The following RGS22 variants were observed in gnomAD, a reference collection of about 807,000 sequenced individuals.
The protein encoded by RGS22 is regulator of G protein signaling 22.
RGS22 carries 148 observed loss-of-function variants against 172.9 expected under a neutral mutation model. The observed-to-expected ratio is 0.86, with a 90% CI of 0.75 to 0.98. The LOEUF (loss-of-function observed/expected upper bound fraction) is 0.98. Among genes scored for constraint, RGS22 ranks in the 50% least tolerant of loss-of-function variants. RGS22 has a pLI of 0.00. For synonymous variants in RGS22, 458 were observed against 480.2 expected (o/e 0.95, Z 0.60); for missense variants, 1,347 against 1,440.8 (o/e 0.93, Z 1.05).
intron 14 of RGS22, among the ~76,000 whole-genome samples, chr8:100,026,424 G>C (rs1818182200): frequency 1.3e-5 from 2 of 152,210 alleles, no homozygotes; most frequent in African/African-American, 4.8e-5. Context: ...TACTGACTCA[G>C]CTTTTGCGTT....
At chr8:100,055,521 CA>C (rs1226803933) in intron 9 of RGS22, among the ~76,000 whole-genome samples, 1 of 152,106 alleles carries the variant, frequency 6.6e-6, no homozygotes, top group African/African-American at 2.4e-5. Context: ...AGGATGGGTA[CA>C]AAAAAGCCCA....
intron 9 of RGS22, among the ~76,000 whole-genome samples, chr8:100,060,530 C>T (rs1810048985): frequency 6.6e-6 from 1 of 150,838 alleles, no homozygotes; most frequent in South Asian, 2.1e-4. Flanking sequence ...GAACATACCC[C>T]TATTCACAAC....
At chr8:99,984,835 A>G (rs2131227398) in intron 21 of RGS22, among the ~76,000 whole-genome samples, 1 of 151,408 alleles carries the variant, frequency 6.6e-6, no homozygotes. Context: ...TTTAGATTAA[A>G]CCATACTGAT....
chr8:100,048,568 C>A (rs1011364802), intron 10 of RGS22, among the ~76,000 whole-genome samples: 1 of 151,774 alleles, frequency 6.6e-6, no homozygotes, highest in Non-Finnish European at 1.5e-5. Flanking sequence ...ACAATAAAAC[C>A]TTATATATAC....
At chr8:100,004,186 C>A in intron 16 of RGS22, 88 bp from the exon 17 acceptor site, 2 of 1,415,202 alleles carry the variant, frequency 1.4e-6, no homozygotes, top group South Asian at 1.8e-5. Context: ...GAAAAATCAA[C>A]CATTAGGCCA....
Position 100,039,962 on chromosome 8 carries a change from C to T in RGS22, c.2064G>A (p.Lys688=). 1.3e-6 allele frequency: 2 copies of T among 1,511,752 alleles called. No homozygotes were observed. The highest frequency in any genetic ancestry group is 1.8e-6 in the Non-Finnish European group (2 of 1,127,392). 93.6% of individuals were successfully genotyped at this position (1,511,752 alleles called of 1,614,324 possible). A position where few individuals can be genotyped will look rare whatever the true frequency, so the allele number is the denominator to read the frequency against. Residue 688 remains lysine (K), a splice_region_variant and synonymous_variant, in exon 13 of 28, where the codon AAG becomes AAA. Transcript: ENST00000360863. ...TAAATTTTAAATAATTCTTTTCTAC[C>T]TTGTTCCCTGAATGCTCGCAGAATT... is the stretch of plus-strand genomic sequence containing the variant. ...FTKFCEHSGN[K]LWKNSVYFWF...
chr8:100,082,249 G>A (rs1247082387), intron 3 of RGS22, among the ~76,000 whole-genome samples: 2 of 151,958 alleles, frequency 1.3e-5, no homozygotes, highest in Non-Finnish European at 2.9e-5. Flanking sequence ...TAGGTTTAAG[G>A]GGTACATGTG....
Position 99,987,469 on chromosome 8 carries a change from G to A in RGS22, c.3169C>T (p.Gln1057Ter). 1 of 1,601,058 alleles carries A rather than the reference G, an allele frequency of 6.2e-7. No homozygotes were observed. Among genetic ancestry groups the A allele is most frequent in the Non-Finnish European group, 8.5e-7 (1 of 1,173,088 alleles). Residue 1057 changes from glutamine (Q) to a stop codon, truncating the protein, a stop_gained, in exon 21 of 28, where the codon CAA becomes TAA. Coordinates refer to ENST00000360863, the MANE Select transcript of RGS22 (RefSeq NM_015668.5). LOFTEE classifies it high-confidence loss of function. Reference sequence around the variant, plus strand: ...TCCCAATACAATACCTTATATTTTTGTACTTCTTGCCAAAAGAGTAAACCA... The same window carrying A: ...TCCCAATACAATACCTTATATTTTTATACTTCTTGCCAAAAGAGTAAACCA... ...ENGLLFWQEV[Q>*]KYKDLCHSHC...
At chr8:100,041,499 A>G (rs1038440367) in intron 12 of RGS22, among the ~76,000 whole-genome samples, 2 of 151,868 alleles carry the variant, frequency 1.3e-5, no homozygotes, top group Non-Finnish European at 2.9e-5. Context: ...CAAAAAAAAA[A>G]AAAAATTCTA....
chr8:99,976,646 C>G (rs1258369265), intron 23 of RGS22, among the ~76,000 whole-genome samples: 1 of 152,118 alleles, frequency 6.6e-6, no homozygotes, highest in Non-Finnish European at 1.5e-5. Context: ...CAGGCGTGAG[C>G]CACTGCGCCC....
chr8:100,092,525 G>A (rs1410731990), intron 3 of RGS22, among the ~76,000 whole-genome samples: 1 of 152,178 alleles, frequency 6.6e-6, no homozygotes, highest in Non-Finnish European at 1.5e-5. Flanking sequence ...TCAAGAGAGT[G>A]TTATAAAACT....
chr8:100,037,447 C>T (rs548845353), intron 14 of RGS22, among the ~76,000 whole-genome samples: 1 of 152,258 alleles, frequency 6.6e-6, no homozygotes, highest in East Asian at 1.9e-4. Flanking sequence ...TCCTCTCACC[C>T]TGCTTTAACT....
At chr8:100,003,314 A>G (rs890973679) in intron 17 of RGS22, among the ~76,000 whole-genome samples, 1 of 151,970 alleles carries the variant, frequency 6.6e-6, no homozygotes, top group African/African-American at 2.4e-5. Context: ...AATTAAAAAA[A>G]TTAATAAATA....
intron 20 of RGS22, among the ~76,000 whole-genome samples, chr8:99,992,453 C>G (rs1265495504): frequency 6.6e-6 from 1 of 152,106 alleles, no homozygotes; most frequent in Non-Finnish European, 1.5e-5. Flanking sequence ...CAAAAAAAAG[C>G]AGGGTTTGCA....
intron 14 of RGS22, among the ~76,000 whole-genome samples, chr8:100,029,980 A>C (rs1029693659): frequency 3.3e-5 from 5 of 152,206 alleles, no homozygotes; most frequent in Non-Finnish European, 7.3e-5. Flanking sequence ...GAACTGAAAA[A>C]CAGTACAAAG....
chr8:99,995,281 T>G (rs1814234029), intron 20 of RGS22, among the ~76,000 whole-genome samples: 1 of 152,140 alleles, frequency 6.6e-6, no homozygotes, highest in Non-Finnish European at 1.5e-5. Flanking sequence ...CTAATTAAAC[T>G]AATGAGTTTC....
chr8:99,991,418 T>G (rs1813703865), intron 20 of RGS22, among the ~76,000 whole-genome samples: 1 of 152,198 alleles, frequency 6.6e-6, no homozygotes, highest in African/African-American at 2.4e-5. Flanking sequence ...AGAGAAGATC[T>G]TAAATGACCT....
rs575956846 is a variant in RGS22, at chr8:100,010,203, T to A, written c.2167-1634A>T. Reference sequence around the variant, plus strand: ...ACTAATTTAGAGTTTAAAACCAACATAAGGCCAGGCACAGTGGCTCACACC... The same window carrying A: ...ACTAATTTAGAGTTTAAAACCAACAAAAGGCCAGGCACAGTGGCTCACACC... On this transcript the variant is annotated intron_variant, in intron 14 of 27. Transcript: ENST00000360863. Among the ~76,000 whole-genome samples the A allele has an allele frequency of 3.3e-5, 5 of 152,054 alleles. No individual in the cohort carries two copies. The South Asian group carries it at 8.3e-4, about 25-fold the overall frequency.
At chr8:99,981,740 T>G in intron 22 of RGS22, among the ~76,000 whole-genome samples, 197 bp downstream of exon 22, 1 of 151,096 alleles carries the variant, frequency 6.6e-6, no homozygotes, top group Middle Eastern at 3.4e-3. Flanking sequence ...TTTTTTTTTT[T>G]TTTAAGAGAC....
Sources: gnomAD v4.1 joint callset for allele counts (sites outside exome capture counted in the v4.1 genomes callset) on GRCh38, gnomAD v4.1.1 for gene constraint, MANE v1.5 for transcripts, NCBI Gene and HGNC (gene_info 2026-07-23, HGNC 2026-07-21) for gene names.